Variants in ZNF385D observed in about 807,000 individuals in gnomAD.
ZNF385D encodes the protein zinc finger protein 659.
A neutral mutation model predicts 35.8 loss-of-function variants in ZNF385D; 15 were observed. The ratio of observed to expected loss-of-function variants is 0.42; its 90% CI spans 0.28 to 0.64. ZNF385D has a LOEUF of 0.64. Among genes scored for constraint, ZNF385D ranks in the 30% least tolerant of loss-of-function variants. The pLI, the probability that ZNF385D is intolerant of heterozygous loss-of-function variation, is 0.23. For synonymous variants in ZNF385D, 212 were observed against 186.8 expected, an observed-to-expected ratio of 1.13 and a Z score of -1.10; for missense variants, 474 against 494.6, an observed-to-expected ratio of 0.96 and a Z score of 0.39.
intron 1 of ZNF385D, among the ~76,000 whole-genome samples, chr3:21,672,611 A>G (rs986503): frequency 0.75 from 114,598 of 152,092 alleles, 43,364 homozygotes; most frequent in Admixed American, 0.78. Flanking sequence ...ATCTTTTCCC[A>G]TGAAGGAAAT....
At chr3:21,701,920 G>C (rs777215720) in intron 1 of ZNF385D, among the ~76,000 whole-genome samples, 5 of 152,156 alleles carry the variant, frequency 3.3e-5, no homozygotes, top group Non-Finnish European at 7.3e-5. Context: ...CGTCTCTATG[G>C]CTTTCCAGGG....
chr3:21,688,688 A>G (rs960779486), intron 1 of ZNF385D, among the ~76,000 whole-genome samples: 3 of 152,148 alleles, frequency 2.0e-5, no homozygotes, highest in Non-Finnish European at 2.9e-5. Flanking sequence ...TGTCTGATGA[A>G]ATTCTAATAT....
At chr3:22,284,814 A>G (rs997355545) in intron 2 of ZNF385D, among the ~76,000 whole-genome samples, 1 of 152,186 alleles carries the variant, frequency 6.6e-6, no homozygotes, top group Non-Finnish European at 1.5e-5. Context: ...GGAGAAATGT[A>G]TAAATTTGGT....
chr3:22,037,482 A>G (rs549661773), intron 3 of ZNF385D, among the ~76,000 whole-genome samples: 12 of 152,028 alleles, frequency 7.9e-5, no homozygotes, highest in Middle Eastern at 3.4e-3. Context: ...GCATTTTTTC[A>G]CGTGTCTGTT....
At chr3:21,982,227 G>C (rs1397386797) in intron 3 of ZNF385D, among the ~76,000 whole-genome samples, 2 of 151,748 alleles carry the variant, frequency 1.3e-5, no homozygotes, top group Admixed American at 6.6e-5. Context: ...TCTTCCATTT[G>C]TTTGTGTCTT....
At chr3:21,435,255 A>T (rs1026564059) in intron 5 of ZNF385D, among the ~76,000 whole-genome samples, 3 of 113,406 alleles carry the variant, frequency 2.6e-5, no homozygotes, top group South Asian at 3.1e-4. Flanking sequence ...ACAACTCCCA[A>T]TTTTTTTTTT....
intron 2 of ZNF385D, among the ~76,000 whole-genome samples, chr3:21,568,898 G>A (rs1250181444): frequency 1.3e-5 from 2 of 152,112 alleles, no homozygotes; most frequent in Non-Finnish European, 2.9e-5. Context: ...AACCTGTGCA[G>A]CACTGAATTA....
At chr3:21,904,406 T>C (rs1280447779) in intron 3 of ZNF385D, among the ~76,000 whole-genome samples, 1 of 152,028 alleles carries the variant, frequency 6.6e-6, no homozygotes, top group Admixed American at 6.6e-5. Context: ...AAATAAAGTG[T>C]GGCATAGTTC....
chr3:22,234,600 G>T (rs1052025712), intron 2 of ZNF385D, among the ~76,000 whole-genome samples: 1 of 151,936 alleles, frequency 6.6e-6, no homozygotes, highest in African/African-American at 2.4e-5. Flanking sequence ...CACAGCAGGT[G>T]TGTGTCAACT....
At chr3:21,922,816 C>A (rs1700537139) in intron 3 of ZNF385D, among the ~76,000 whole-genome samples, 1 of 152,080 alleles carries the variant, frequency 6.6e-6, no homozygotes, top group African/African-American at 2.4e-5. Flanking sequence ...AGGGCTTCCA[C>A]ACAGCAAAAG....
intron 3 of ZNF385D, among the ~76,000 whole-genome samples, chr3:22,102,339 A>T (rs573631639): frequency 6.6e-6 from 1 of 152,154 alleles, no homozygotes; most frequent in South Asian, 2.1e-4. Context: ...TTGAAATGTG[A>T]AGAACCAAAA....
At chr3:21,443,170 G>T in intron 4 of ZNF385D, 1 of 985,326 alleles carries the variant, frequency 1.0e-6, no homozygotes. Flanking sequence ...ACTTTGCAGG[G>T]TACCTGATTT....
chr3:21,695,655 AC>A (rs2067444806), intron 1 of ZNF385D, among the ~76,000 whole-genome samples: 1 of 151,988 alleles, frequency 6.6e-6, no homozygotes. Context: ...TTTATCCTTG[AC>A]CTCAGCCAGT....
intron 3 of ZNF385D, among the ~76,000 whole-genome samples, chr3:21,550,092 C>T (rs17009024): frequency 0.028 from 4,233 of 152,160 alleles, 127 homozygotes; most frequent in South Asian, 0.1. Context: ...AGCTTAAAAA[C>T]GTAATAGATG....
intron 3 of ZNF385D, among the ~76,000 whole-genome samples, chr3:22,020,724 T>C (rs1697172188): frequency 6.6e-6 from 1 of 151,968 alleles, no homozygotes; most frequent in Non-Finnish European, 1.5e-5. Context: ...TGGAGATTTC[T>C]CCAAGAACTT....
chr3:21,425,592 C>T lies in ZNF385D; in HGVS notation c.752G>A (p.Gly251Asp). Residue 251 changes from glycine (G) to aspartate (D), a missense_variant, in exon 6 of 8, where the codon GGC becomes GAC. Coordinates refer to ENST00000281523, the MANE Select transcript of ZNF385D (RefSeq NM_024697.3). ...IKAFPRAGVK[G>D]KGPVNKGNTG... ...GTTTCCTTTATTAACAGGTCCTTTG[C>T]CTTTCACTCCTGCCCTAGGAAAGGC... 1 of 1,608,940 alleles carries T rather than the reference C, an allele frequency of 6.2e-7. No individual in the cohort carries two copies. Among genetic ancestry groups the T allele is most frequent in the Non-Finnish European group, 8.5e-7 (1 of 1,177,476 alleles).
At chr3:22,235,606 A>T (rs1035256292) in intron 2 of ZNF385D, among the ~76,000 whole-genome samples, 9 of 152,160 alleles carry the variant, frequency 5.9e-5, no homozygotes, top group Non-Finnish European at 1.3e-4. Context: ...TCAAGTAAAA[A>T]GGTCAAATGA....
intron 3 of ZNF385D, among the ~76,000 whole-genome samples, chr3:21,971,422 G>A (rs1364910502): frequency 6.6e-6 from 1 of 151,310 alleles, no homozygotes; most frequent in African/African-American, 2.4e-5. Flanking sequence ...TAAAATCATG[G>A]GTTATAAGAT....
At chr3:21,622,033 C>A (rs1559467135) in intron 2 of ZNF385D, among the ~76,000 whole-genome samples, 1 of 152,010 alleles carries the variant, frequency 6.6e-6, no homozygotes, top group African/African-American at 2.4e-5. Context: ...ATTTTACAGT[C>A]CAGAGAAGAG....
Sources: allele counts gnomAD v4.1 joint callset (sites outside exome capture counted in the v4.1 genomes callset), GRCh38; gene constraint gnomAD v4.1.1; transcripts MANE v1.5; gene names NCBI Gene and HGNC (gene_info 2026-07-23, HGNC 2026-07-21).